The following FAM184A variants were observed in gnomAD, a reference collection of about 807,000 sequenced individuals.
FAM184A encodes protein FAM184A.
FAM184A carries 99 observed loss-of-function variants against 143.8 expected under a neutral mutation model. The ratio of observed to expected loss-of-function variants is 0.69; its 90% CI spans 0.58 to 0.81. The LOEUF (loss-of-function observed/expected upper bound fraction) is 0.81. Ranked by LOEUF, FAM184A falls within the 40% of genes least tolerant of loss-of-function variation. The pLI is 0.00. For synonymous variants in FAM184A, 427 were observed against 446.4 expected, an observed-to-expected ratio of 0.96 and a Z score of 0.55; for missense variants, 1,217 against 1,310.5, an observed-to-expected ratio of 0.93 and a Z score of 1.10.
At chr6:119,115,118 G>T (rs1447734159) in intron 1 of FAM184A, among the ~76,000 whole-genome samples, 4 of 152,024 alleles carry the variant, frequency 2.6e-5, no homozygotes, top group Non-Finnish European at 1.5e-5. Context: ...TTATAAATTT[G>T]TCTTCTTCCA....
chr6:119,080,630 G>A (rs1788036077), upstream of FAM184A, among the ~76,000 whole-genome samples: 1 of 152,126 alleles, frequency 6.6e-6, no homozygotes, highest in African/African-American at 2.4e-5. Flanking sequence ...AGACTTTTTA[G>A]GATTTTGGAA....
chr6:119,102,564 G>T (rs994240561), intron 1 of FAM184A, among the ~76,000 whole-genome samples: 13 of 151,942 alleles, frequency 8.6e-5, no homozygotes, highest in African/African-American at 2.9e-4. Context: ...GAGGTAGGTA[G>T]ATCACCTGAG....
At chr6:119,144,882 A>G (rs75800633) in intron 1 of FAM184A, among the ~76,000 whole-genome samples, 6,923 of 152,266 alleles carry the variant, frequency 0.045, 236 homozygotes, top group East Asian at 0.067. Context: ...TGACATACAC[A>G]TTCACAGTCT....
intron 14 of FAM184A, among the ~76,000 whole-genome samples, chr6:118,971,210 C>T (rs1783685755): frequency 6.6e-6 from 1 of 152,146 alleles, no homozygotes; most frequent in Non-Finnish European, 1.5e-5. Flanking sequence ...ACAAAGCTTA[C>T]AACCATACCT....
At chr6:119,117,593 A>G (rs959883261) in intron 1 of FAM184A, among the ~76,000 whole-genome samples, 1 of 152,224 alleles carries the variant, frequency 6.6e-6, no homozygotes. Flanking sequence ...ACTCAGAGGT[A>G]AGACCTGCTT....
At chr6:119,107,761 G>T (rs1195607557) in intron 1 of FAM184A, among the ~76,000 whole-genome samples, 1 of 139,764 alleles carries the variant, frequency 7.2e-6, no homozygotes, top group East Asian at 2.2e-4. Context: ...CTGGGTGACA[G>T]AGTGAGACTT....
At chr6:119,100,387 A>G (rs1288824505) in intron 1 of FAM184A, among the ~76,000 whole-genome samples, 2 of 152,156 alleles carry the variant, frequency 1.3e-5, no homozygotes, top group African/African-American at 4.8e-5. Context: ...GTTCCAAGAG[A>G]CAAGGAAGCA....
intron 1 of FAM184A, among the ~76,000 whole-genome samples, chr6:119,047,683 AT>A (rs1256970382): frequency 1.3e-5 from 2 of 152,190 alleles, no homozygotes; most frequent in African/African-American, 4.8e-5. Context: ...CCAGGAAGAA[AT>A]TGATTCCCTG....
intron 1 of FAM184A, among the ~76,000 whole-genome samples, chr6:119,107,119 G>A (rs77503297): frequency 7.4e-4 from 113 of 152,266 alleles, no homozygotes; most frequent in African/African-American, 2.7e-3. Flanking sequence ...TTAATGTGTA[G>A]TAAACATTAA....
chr6:118,980,390 G>T, intron 9 of FAM184A, 40 bp from the exon 10 acceptor site: 1 of 1,534,278 alleles, frequency 6.5e-7, no homozygotes, highest in African/African-American at 1.4e-5. Flanking sequence ...ATAAATACAA[G>T]GCATAGTTCA....
chr6:119,059,336 C>T (rs886938750), intron 1 of FAM184A, among the ~76,000 whole-genome samples: 8 of 152,146 alleles, frequency 5.3e-5, no homozygotes, highest in South Asian at 2.1e-4. Context: ...ACCACAGCAG[C>T]GACAGGTAAC....
chr6:118,960,608 T>G (rs2275763), intron 17 of FAM184A, among the ~76,000 whole-genome samples: 4 of 152,216 alleles, frequency 2.6e-5, no homozygotes, highest in East Asian at 3.8e-4. Context: ...ATATGCATTT[T>G]ACATTAAATT....
At chr6:119,102,509 T>G (rs555032348) in intron 1 of FAM184A, among the ~76,000 whole-genome samples, 21 of 152,070 alleles carry the variant, frequency 1.4e-4, no homozygotes, top group African/African-American at 4.8e-4. Context: ...CACTATAGGC[T>G]GGGCACAGTG....
chr6:119,019,118 C>T (rs188774128), intron 4 of FAM184A, among the ~76,000 whole-genome samples: 73 of 151,894 alleles, frequency 4.8e-4, no homozygotes, highest in African/African-American at 1.8e-3. Context: ...TGAATGAGTG[C>T]GTAGAATTAG....
chr6:119,023,655 A>G (rs1785531614), intron 2 of FAM184A, among the ~76,000 whole-genome samples: 1 of 144,660 alleles, frequency 6.9e-6, no homozygotes, highest in African/African-American at 2.5e-5. Flanking sequence ...GGGCCCCCCA[A>G]AGTGCTGGGA....
At chr6:119,009,259 C>T (rs1785019825) in intron 6 of FAM184A, among the ~76,000 whole-genome samples, 1 of 152,126 alleles carries the variant, frequency 6.6e-6, no homozygotes, top group East Asian at 1.9e-4. Context: ...TATGGTTTGG[C>T]TGTGTCCCCA....
intron 1 of FAM184A, among the ~76,000 whole-genome samples, chr6:119,054,318 A>C (rs1786879228): frequency 6.6e-6 from 1 of 152,198 alleles, no homozygotes; most frequent in Non-Finnish European, 1.5e-5. Context: ...AAATACCATA[A>C]ACTAGGTAGC....
At chr6:119,076,061 T>A (rs1320092236) in intron 1 of FAM184A, among the ~76,000 whole-genome samples, 2 of 152,044 alleles carry the variant, frequency 1.3e-5, no homozygotes, top group Admixed American at 1.3e-4. Context: ...CCCTGCCCGC[T>A]CCTGGGAAAT....
intron 1 of FAM184A, among the ~76,000 whole-genome samples, chr6:119,106,534 C>T (rs543024087): frequency 6.6e-6 from 1 of 152,326 alleles, no homozygotes; most frequent in South Asian, 2.1e-4. Context: ...GAAAAGTAAG[C>T]CAACTACTGG....
Sources: allele counts gnomAD v4.1 joint callset (sites outside exome capture counted in the v4.1 genomes callset), GRCh38; gene constraint gnomAD v4.1.1; transcripts MANE v1.5; gene names NCBI Gene and HGNC (gene_info 2026-07-23, HGNC 2026-07-21).